NPHP3: variants seen among roughly 807,000 people sequenced by gnomAD.
NPHP3 encodes nephrocystin-3.
NPHP3 carries 123 observed loss-of-function variants against 171.9 expected under a neutral mutation model. The observed-to-expected ratio is 0.72, with a 90% CI of 0.62 to 0.83. The LOEUF (loss-of-function observed/expected upper bound fraction) is 0.83, where lower values mean the gene tolerates loss of function less well. Among genes scored for constraint, NPHP3 ranks in the 40% least tolerant of loss-of-function variants. The pLI is 0.00. For synonymous variants in NPHP3, 558 were observed against 579.2 expected (o/e 0.96, Z 0.52); for missense variants, 1,506 against 1,591.9 (o/e 0.95, Z 0.92).
rs372339999 is a variant in NPHP3 at position 132,697,340 on chromosome 3, C to G, written c.2008G>C (p.Asp670His). 5.0e-6 allele frequency: 8 copies of G among 1,610,748 alleles called. No individual in the cohort carries two copies. Among genetic ancestry groups the G allele is most frequent in the Non-Finnish European group, 5.9e-6 (7 of 1,178,590 alleles). ...TTTGCATCTTTTGGACTTAAGGGAT[C>G]AAGATGAAGTGTAGGCCACAACCTT... ...AWRLWPTLHL[D>H]PLSPKDAKSI... Residue 670 changes from aspartate to histidine, a missense_variant, in exon 14 of 27, where the codon GAT becomes CAT. Physicochemically the swap from Asp to His is moderately conservative, Grantham distance 81. Transcript: ENST00000337331.
At chr3:132,690,491 CTCTT>C (rs1939271950) in intron 19 of NPHP3, 33 bp downstream of exon 19, 1 of 1,591,780 alleles carries the variant, frequency 6.3e-7, no homozygotes, top group Admixed American at 1.7e-5. Flanking sequence ...CTTTAAATCT[CTCTT>C]TCTGGGGAAA....
chr3:132,716,669 C>T, intron 4 of NPHP3, 88 bp downstream of exon 4: 1 of 1,416,066 alleles, frequency 7.1e-7, no homozygotes, highest in South Asian at 1.2e-5. Flanking sequence ...TCATGCTTTG[C>T]TAATGGTATT....
rs565407283 is a variant in NPHP3 at position 132,687,585 on chromosome 3, G to T, written c.3126-359C>A. Among the ~76,000 whole-genome samples, 183 of 152,272 alleles carry T rather than the reference G, an allele frequency of 1.2e-3. 1 individual carries two copies. Among genetic ancestry groups the T allele is most frequent in the African/African-American group, 3.8e-3 (157 of 41,558 alleles). On this transcript the variant is annotated intron_variant, in intron 21 of 26. Coordinates refer to ENST00000337331, the MANE Select transcript of NPHP3 (RefSeq NM_153240.5). ...GAAGGGCAACCTAACTAAATGAAAAGTCAAAATTTCAGTTTTCTATAGCAC... is the reference window on the plus strand; with the variant it reads ...GAAGGGCAACCTAACTAAATGAAAATTCAAAATTTCAGTTTTCTATAGCAC...
chr3:132,685,149 T>C (rs975653399), intron 23 of NPHP3: 16 of 246,558 alleles, frequency 6.5e-5, no homozygotes, highest in African/African-American at 3.4e-4. Flanking sequence ...TACTAAATAA[T>C]TTTTATTTCT....
intron 16 of NPHP3, among the ~76,000 whole-genome samples, chr3:132,694,291 A>C (rs1359754384): frequency 6.6e-6 from 1 of 151,932 alleles, no homozygotes; most frequent in Non-Finnish European, 1.5e-5. Context: ...AAACAAAAAG[A>C]TATCAACAAG....
At chr3:132,700,181 G>C in intron 11 of NPHP3, 120 bp from the exon 12 acceptor site, 1 of 1,268,934 alleles carries the variant, frequency 7.9e-7, no homozygotes, top group East Asian at 2.5e-5. Context: ...GTCACCAAGA[G>C]GACCCGATTG....
chr3:132,700,478 A>C (rs1576672765), intron 10 of NPHP3, 30 bp from the exon 11 acceptor site: 1 of 1,353,806 alleles, frequency 7.4e-7, no homozygotes, highest in East Asian at 2.3e-5. Flanking sequence ...CTTTTATAAA[A>C]CCGATAAAGT....
intron 26 of NPHP3, 164 bp from the exon 27 acceptor site, chr3:132,682,254 TCTC>T (rs1224195100): frequency 1.5e-6 from 1 of 651,100 alleles, no homozygotes; most frequent in Admixed American, 2.6e-5. Flanking sequence ...CCCAAACTCT[TCTC>T]CTTTCTACCA....
intron 4 of NPHP3, 135 bp from the exon 5 acceptor site, chr3:132,715,353 A>G: frequency 1.4e-6 from 1 of 715,474 alleles, no homozygotes; most frequent in South Asian, 1.6e-5. Context: ...TACCTTCTAG[A>G]GTAATATATT....
rs1026670148 is a variant in NPHP3, at chr3:132,700,190, T to G, written c.1744-129A>C. On this transcript the variant is annotated intron_variant, in intron 11 of 26. Coordinates refer to ENST00000337331, the MANE Select transcript of NPHP3 (RefSeq NM_153240.5). ...AATCAAGTCACCAAGAGGACCCGAT[T>G]GTATCGAATATTATTTTTAACCTTA... The G allele has an allele frequency of 1.7e-5, 21 of 1,242,584 alleles. No individual in the cohort carries two copies. The African/African-American group carries it at 2.9e-4, about 17-fold the overall frequency. The allele number at this position is 1,242,584 out of a possible 1,614,324, so 77.0% of individuals were successfully genotyped here.
intron 6 of NPHP3, among the ~76,000 whole-genome samples, chr3:132,709,397 C>T (rs1007512760): frequency 1.3e-4 from 19 of 150,616 alleles, no homozygotes; most frequent in African/African-American, 4.4e-4. Flanking sequence ...ATCCTCCCAC[C>T]TCAGCCTACC....
At chr3:132,719,575 A>G (rs887921995) in intron 2 of NPHP3, 130 bp downstream of exon 2, 5 of 574,042 alleles carry the variant, frequency 8.7e-6, no homozygotes, top group African/African-American at 1.9e-5. Context: ...GCTCTACACT[A>G]ATTCTTACAA....
At chr3:132,713,919 A>G (rs80239193) in intron 5 of NPHP3, among the ~76,000 whole-genome samples, 2 of 152,384 alleles carry the variant, frequency 1.3e-5, no homozygotes, top group East Asian at 3.9e-4. Context: ...ACAACAGGGA[A>G]GATGTTAATA....
intron 8 of NPHP3, 21 bp from the exon 9 acceptor site, chr3:132,704,392 C>A (rs1364639014): frequency 1.9e-6 from 3 of 1,613,818 alleles, no homozygotes; most frequent in East Asian, 4.5e-5. Flanking sequence ...AGAACAACCA[C>A]ACAAAAATGA....
chr3:132,712,987 A>G, intron 6 of NPHP3, 139 bp downstream of exon 6: 1 of 505,846 alleles, frequency 2.0e-6, no homozygotes, highest in Non-Finnish European at 3.5e-6. Flanking sequence ...TAAGTGTGAA[A>G]CAGTTGTAGA....
At chr3:132,720,686 C>G (rs957757631) in intron 1 of NPHP3, among the ~76,000 whole-genome samples, 1 of 152,004 alleles carries the variant, frequency 6.6e-6, no homozygotes, top group African/African-American at 2.4e-5. Flanking sequence ...ACAACAAAAC[C>G]TGACTAGAAG....
At chr3:132,717,064 A>G in intron 3 of NPHP3, 155 bp from the exon 4 acceptor site, 2 of 730,242 alleles carry the variant, frequency 2.7e-6, no homozygotes, top group East Asian at 5.4e-5. Context: ...GACTTTTGGC[A>G]AAGTTCAAAG....
intron 19 of NPHP3, among the ~76,000 whole-genome samples, chr3:132,689,585 G>T (rs1939249331): frequency 1.3e-5 from 2 of 152,024 alleles, no homozygotes; most frequent in Non-Finnish European, 2.9e-5. Context: ...ATACCATCAT[G>T]GCTACTTACC....
At position 132,689,100 on chromosome 3, in the gene NPHP3, G is replaced by C. The variant is rs576998577; in HGVS notation, c.2857C>G (p.Leu953Val). Residue 953 changes from leucine to valine, a missense_variant, in exon 20 of 27, where the codon CTC becomes GTC. Coordinates refer to ENST00000337331, the MANE Select transcript of NPHP3 (RefSeq NM_153240.5). ...TGACTGAGAAGGCCTAGATCCTTGA[G>C]AAATCGCCCCAAGGTTTCATAAAGA... ...ADLYETLGRF[L>V]KDLGLLSQAI... 8 of 1,614,148 alleles carry C rather than the reference G, an allele frequency of 5.0e-6. No homozygotes were observed. The South Asian group carries it at 8.8e-5, about 18-fold the overall frequency.
Sources: gnomAD v4.1 joint callset for allele counts (sites outside exome capture counted in the v4.1 genomes callset) on GRCh38, gnomAD v4.1.1 for gene constraint, MANE v1.5 for transcripts, NCBI Gene and HGNC (gene_info 2026-07-23, HGNC 2026-07-21) for gene names.